CPD: variants seen among roughly 807,000 people sequenced by gnomAD.
The protein encoded by CPD is metallocarboxypeptidase D.
Under a neutral mutation model 138.3 loss-of-function variants are expected in CPD, and 69 were observed. That is an observed-to-expected ratio of 0.50 (90% confidence interval 0.41 to 0.61). CPD has a LOEUF of 0.61. Ranked by LOEUF, CPD falls within the 20% of genes least tolerant of loss-of-function variation. CPD has a pLI of 0.00. For missense variants in CPD, 1,432 were observed against 1,733.3 expected (o/e 0.83, Z 3.09); for synonymous variants, 651 against 642.1 (o/e 1.01, Z -0.21).
At chr17:30,407,569 A>G (rs1391717180) in intron 2 of CPD, among the ~76,000 whole-genome samples, 1 of 152,198 alleles carries the variant, frequency 6.6e-6, no homozygotes, top group East Asian at 1.9e-4. Context: ...ATGACCAGTG[A>G]TGATGAGCAT....
chr17:30,434,892 A>G (rs1278186460), intron 8 of CPD, among the ~76,000 whole-genome samples: 3 of 152,142 alleles, frequency 2.0e-5, no homozygotes, highest in Non-Finnish European at 2.9e-5. Flanking sequence ...GCCCAATATC[A>G]TAAAAATAAA....
intron 20 of CPD, among the ~76,000 whole-genome samples, chr17:30,463,305 T>C (rs1160837582): frequency 6.6e-6 from 1 of 152,228 alleles, no homozygotes; most frequent in Non-Finnish European, 1.5e-5. Flanking sequence ...TTCATGTATT[T>C]GTCTATATTC....
intron 6 of CPD, among the ~76,000 whole-genome samples, chr17:30,426,092 C>T (rs1912399449): frequency 6.6e-6 from 1 of 150,960 alleles, no homozygotes; most frequent in Admixed American, 6.6e-5. Flanking sequence ...CCCAGCTACT[C>T]GGGAGGCTGA....
intron 2 of CPD, among the ~76,000 whole-genome samples, chr17:30,405,423 A>G (rs375126781): frequency 6.6e-6 from 1 of 152,094 alleles, no homozygotes; most frequent in South Asian, 2.1e-4. Context: ...TTTCAGCTTA[A>G]TTTTTTTCTT....
chr17:30,420,329 G>A (rs73987927), intron 2 of CPD, among the ~76,000 whole-genome samples: 149 of 152,224 alleles, frequency 9.8e-4, no homozygotes, highest in African/African-American at 3.4e-3. Flanking sequence ...AGTTAGAATC[G>A]TAGGTACTTA....
intron 2 of CPD, among the ~76,000 whole-genome samples, chr17:30,393,866 A>G (rs565011365): frequency 6.6e-6 from 1 of 152,282 alleles, no homozygotes; most frequent in East Asian, 1.9e-4. Flanking sequence ...TAGGCCCAGG[A>G]GCAGTGGAGC....
At chr17:30,428,203 A>G (rs771330542) in intron 7 of CPD, among the ~76,000 whole-genome samples, 1 of 152,200 alleles carries the variant, frequency 6.6e-6, no homozygotes, top group Non-Finnish European at 1.5e-5. Flanking sequence ...ATTTAGCAGG[A>G]TGGATCGGTT....
In CPD at chr17:30,431,880, A is replaced by G. The variant is rs756449726; in HGVS notation, c.2126A>G (p.Lys709Arg). ...VFQQIALSYS[K>R]ENSQMFQGRP... Reference sequence around the variant, plus strand: ...CAACAAATAGCACTTTCTTATTCCAAGGTAGGCTTGTCTTTGAATATAAAA... The same window carrying G: ...CAACAAATAGCACTTTCTTATTCCAGGGTAGGCTTGTCTTTGAATATAAAA... The change falls in exon 8 of 21, where the codon AAG becomes AGG. Residue 709 changes from lysine to arginine, a missense_variant and splice_region_variant. Physicochemically the swap from Lys to Arg is conservative, Grantham distance 26. Coordinates refer to ENST00000225719, the MANE Select transcript of CPD (RefSeq NM_001304.5). The G allele has an allele frequency of 1.2e-5, 19 of 1,566,962 alleles. No individual in the cohort carries two copies. Among genetic ancestry groups the G allele is most frequent in the Non-Finnish European group, 1.4e-5 (16 of 1,144,224 alleles).
Position 30,469,139 on chromosome 17 carries a change from A to G in CPD, c.*4325A>G, listed in dbSNP as rs1913721814. ...GCAACAATGTGTTACTTCTACCCTA[A>G]TAGGAATTGGGAAAGCAAAGTTGTA... On this transcript the variant is annotated 3_prime_UTR_variant, in exon 21 of 21. Coordinates refer to ENST00000225719, the MANE Select transcript of CPD (RefSeq NM_001304.5). The G allele has an allele frequency of 6.6e-6, 1 of 152,192 alleles. No individual in the cohort carries two copies. The highest frequency in any genetic ancestry group is 2.4e-5 in the African/African-American group (1 of 41,450). 9.4% of individuals were successfully genotyped at this position (152,192 alleles called of 1,614,324 possible).
chr17:30,408,003 A>G (rs894462122), intron 2 of CPD, among the ~76,000 whole-genome samples: 3 of 152,184 alleles, frequency 2.0e-5, no homozygotes, highest in African/African-American at 7.2e-5. Context: ...ATGAGGTGTA[A>G]GGAAGGGATC....
chr17:30,381,049 A>T (rs1012456097), intron 1 of CPD, among the ~76,000 whole-genome samples: 2 of 152,226 alleles, frequency 1.3e-5, no homozygotes, highest in African/African-American at 4.8e-5. Context: ...CTTGAGTGTT[A>T]GGACAGTTCC....
At position 30,461,846 on chromosome 17, in the gene CPD, A is replaced by G. The variant is rs199822705; in HGVS notation, c.3631-31A>G. ...CTCTACCATGTCTGGCATTATGACA[A>G]CATAAATTTATATTTTAAACATTTT... On this transcript the variant is annotated intron_variant, in intron 18 of 20. Transcript: ENST00000225719. The G allele has an allele frequency of 3.3e-5, 51 of 1,546,110 alleles. No individual in the cohort carries two copies. The East Asian group carries it at 1.1e-3, about 33-fold the overall frequency.
intron 2 of CPD, among the ~76,000 whole-genome samples, chr17:30,407,569 A>T (rs1391717180): frequency 6.6e-6 from 1 of 152,198 alleles, no homozygotes; most frequent in Admixed American, 6.5e-5. Flanking sequence ...ATGACCAGTG[A>T]TGATGAGCAT....
chr17:30,379,207 TCC>T lies in CPD; in HGVS notation c.230_231del (p.Pro77ArgfsTer7). 1 of 1,527,722 alleles carries T rather than the reference TCC, an allele frequency of 6.5e-7. No homozygotes were observed. Among genetic ancestry groups the T allele is most frequent in the South Asian group, 1.2e-5 (1 of 83,608 alleles). 94.6% of individuals were successfully genotyped at this position (1,527,722 alleles called of 1,614,324 possible). A position where few individuals can be genotyped will look rare whatever the true frequency, so the allele number is the denominator to read the frequency against. The stretch of plus-strand genomic sequence containing the variant: ...CTGAGGGAGGCGGCGGCCGCGGGCC[TCC>T]CCGGCCTGGCCCGCCTCTTTAGCAT... On this transcript the variant is annotated frameshift_variant, in exon 1 of 21. Transcript: ENST00000225719. LOFTEE classifies it high-confidence loss of function. This position sits in a 1 kb window ranked among gnomAD's most constrained non-coding sequence, Gnocchi z 7.0.
At chr17:30,429,754 G>T (rs1382997505) in intron 7 of CPD, among the ~76,000 whole-genome samples, 1 of 152,150 alleles carries the variant, frequency 6.6e-6, no homozygotes, top group Non-Finnish European at 1.5e-5. Context: ...AAAGGAAGGG[G>T]TTTAGACTTC....
chr17:30,452,209 G>T (rs541950304), intron 14 of CPD, among the ~76,000 whole-genome samples: 1 of 151,850 alleles, frequency 6.6e-6, no homozygotes, highest in South Asian at 2.1e-4. Context: ...TACTTAAATG[G>T]GACCTTTTTC....
chr17:30,445,430 A>T (rs1031258634), intron 11 of CPD, among the ~76,000 whole-genome samples: 2 of 152,070 alleles, frequency 1.3e-5, no homozygotes, highest in Non-Finnish European at 2.9e-5. Flanking sequence ...GTGCCACTGC[A>T]CTCCAGCCTG....
At position 30,445,965 on chromosome 17, in the gene CPD, T is replaced by C. The variant is rs1269573535; in HGVS notation, c.2818T>C (p.Ser940Pro). 1 of 1,614,004 alleles carries C rather than the reference T, an allele frequency of 6.2e-7. No homozygotes were observed. Among genetic ancestry groups the C allele is most frequent in the South Asian group, 1.1e-5 (1 of 91,086 alleles). Residue 940 changes from serine to proline, a missense_variant, in exon 12 of 21, where the codon TCA becomes CCA. Ser to Pro is a moderately conservative substitution (Grantham distance 74). This residue lies in a region of CPD where 124 missense variants were observed against 117.0 expected (regional missense o/e 1.06). Coordinates refer to ENST00000225719, the MANE Select transcript of CPD (RefSeq NM_001304.5). ...TCGATACCATTCCTACAAAGACTTA[T>C]CAGAGTTTCTGAGAGGACTTGTAAT... is the stretch of plus-strand genomic sequence containing the variant. ...LYRYHSYKDL[S>P]EFLRGLVMNY...
At position 30,467,775 on chromosome 17, in the gene CPD, T is replaced by A. The variant is rs1435619032; in HGVS notation, c.*2961T>A. 6.6e-6 allele frequency: 1 copy of A among 152,184 alleles called. No individual in the cohort carries two copies. Among genetic ancestry groups the A allele is most frequent in the Non-Finnish European group, 1.5e-5 (1 of 68,016 alleles). 9.4% of individuals were successfully genotyped at this position (152,184 alleles called of 1,614,324 possible). On this transcript the variant is annotated 3_prime_UTR_variant, in exon 21 of 21. Coordinates refer to ENST00000225719, the MANE Select transcript of CPD (RefSeq NM_001304.5). ...CTCCATTTCCATTTATTCTCAACATTAAATAGTTTTATCTTGTTGTTGCCA... is the reference window on the plus strand; with the variant it reads ...CTCCATTTCCATTTATTCTCAACATAAAATAGTTTTATCTTGTTGTTGCCA...
Sources: allele counts gnomAD v4.1 joint callset (sites outside exome capture counted in the v4.1 genomes callset), GRCh38; gene constraint gnomAD v4.1.1; regional missense constraint gnomAD v4.1.1; non-coding constraint Gnocchi (gnomAD v3.1); transcripts MANE v1.5; gene names NCBI Gene and HGNC (gene_info 2026-07-23, HGNC 2026-07-21).